RIT2: variants seen among roughly 807,000 people sequenced by gnomAD.
RIT2 encodes the protein Ras like without CAAX 2.
Under a neutral mutation model 23.7 loss-of-function variants are expected in RIT2, and 24 were observed. That is an observed-to-expected ratio of 1.01 (90% CI 0.73 to 1.43). RIT2 has a LOEUF of 1.43. Among genes scored for constraint, RIT2 ranks in the 40% most tolerant of loss-of-function variants. The pLI, the probability that RIT2 is intolerant of heterozygous loss-of-function variation, is 0.00. For missense variants in RIT2, 236 were observed against 266.9 expected (o/e 0.88, Z 0.81); for synonymous variants, 107 against 91.1 (o/e 1.17, Z -0.99).
At chr18:42,870,973 C>T (rs974840279) in intron 4 of RIT2, among the ~76,000 whole-genome samples, 1 of 152,236 alleles carries the variant, frequency 6.6e-6, no homozygotes, top group East Asian at 1.9e-4. Context: ...ACAGAAACAA[C>T]TCTGTTATTA....
At chr18:43,070,423 G>A (rs555147517) in intron 1 of RIT2, among the ~76,000 whole-genome samples, 4 of 152,288 alleles carry the variant, frequency 2.6e-5, no homozygotes, top group South Asian at 4.1e-4. Flanking sequence ...AATGGAGAAA[G>A]TGGTAATAAG....
intron 4 of RIT2, among the ~76,000 whole-genome samples, chr18:42,743,981 A>C (rs1232258265): frequency 1.3e-5 from 2 of 151,978 alleles, no homozygotes; most frequent in African/African-American, 2.4e-5. Context: ...TAACTGATGA[A>C]ATTCCACCAG....
chr18:43,101,527 G>A (rs1598784779), intron 1 of RIT2, among the ~76,000 whole-genome samples: 3 of 152,220 alleles, frequency 2.0e-5, no homozygotes, highest in African/African-American at 4.8e-5. Context: ...GCCCTGTGTC[G>A]TGCAACATTA....
chr18:43,110,405 C>A (rs1322318217), intron 1 of RIT2, among the ~76,000 whole-genome samples: 1 of 151,992 alleles, frequency 6.6e-6, no homozygotes, highest in African/African-American at 2.4e-5. Context: ...TGATTCTGAA[C>A]TTGGAGAACC....
intron 4 of RIT2, among the ~76,000 whole-genome samples, chr18:42,805,022 C>T (rs564101340): frequency 2.6e-5 from 4 of 152,170 alleles, no homozygotes; most frequent in Admixed American, 2.6e-4. Flanking sequence ...AAGAAAACAT[C>T]CACCTTTCTC....
intron 4 of RIT2, among the ~76,000 whole-genome samples, chr18:42,910,385 C>G (rs1164550659): frequency 2.0e-5 from 3 of 152,030 alleles, no homozygotes; most frequent in African/African-American, 7.2e-5. Context: ...GGACAGCAGG[C>G]AGGGAAATAC....
intron 4 of RIT2, among the ~76,000 whole-genome samples, chr18:42,808,780 CA>C (rs1046049957): frequency 1.2e-4 from 19 of 152,058 alleles, no homozygotes; most frequent in African/African-American, 4.3e-4. Context: ...AAAAATTCAT[CA>C]AAGACTGGGC....
chr18:43,045,469 C>T (rs979508297), intron 1 of RIT2, among the ~76,000 whole-genome samples: 1 of 152,168 alleles, frequency 6.6e-6, no homozygotes, highest in African/African-American at 2.4e-5. Flanking sequence ...AACTAATGGG[C>T]ACCAACGTAT....
chr18:43,115,564 G>A lies in RIT2; in HGVS notation c.-45C>T, dbSNP rs756274714. 8.8e-6 allele frequency: 14 copies of A among 1,593,456 alleles called. No homozygotes were observed. The African/African-American group carries it at 1.4e-4, about 15-fold the overall frequency. ...GAAAAAAAGAAGGAGAAAGTCACCC[G>A]TGTCAGGTGCTTGCTCGAATATTAA... On this transcript the variant is annotated 5_prime_UTR_variant, in exon 1 of 5. In the 5' UTR this introduces an upstream ATG that the reference lacks. Coordinates refer to ENST00000326695, the MANE Select transcript of RIT2 (RefSeq NM_002930.4).
chr18:43,068,974 G>A (rs989249570), intron 1 of RIT2, among the ~76,000 whole-genome samples: 1 of 152,088 alleles, frequency 6.6e-6, no homozygotes, highest in Non-Finnish European at 1.5e-5. Flanking sequence ...TTCCCAGGAA[G>A]TTAGTTATTC....
At chr18:43,044,054 T>G (rs757074730) in intron 1 of RIT2, among the ~76,000 whole-genome samples, 23 of 152,240 alleles carry the variant, frequency 1.5e-4, no homozygotes, top group Non-Finnish European at 2.9e-4. Context: ...AGAATAAGAC[T>G]GAGATAACCA....
At chr18:42,783,355 G>T (rs764394262) in intron 4 of RIT2, among the ~76,000 whole-genome samples, 4 of 151,948 alleles carry the variant, frequency 2.6e-5, no homozygotes, top group Non-Finnish European at 5.9e-5. Context: ...AGCTATGGGA[G>T]AAATAATGAG....
intron 1 of RIT2, among the ~76,000 whole-genome samples, chr18:43,082,355 G>A (rs1242168643): frequency 6.6e-6 from 1 of 152,002 alleles, no homozygotes; most frequent in Non-Finnish European, 1.5e-5. Flanking sequence ...AGAAAAAGAG[G>A]GACTCCTCCC....
chr18:42,794,524 G>A (rs113046192), intron 4 of RIT2, among the ~76,000 whole-genome samples: 1,781 of 152,230 alleles, frequency 0.012, 18 homozygotes, highest in Non-Finnish European at 0.018. Flanking sequence ...CAGTTCTCTT[G>A]CAAAGCTAGA....
chr18:42,874,882 A>C (rs1377815486), intron 4 of RIT2, among the ~76,000 whole-genome samples: 1 of 152,138 alleles, frequency 6.6e-6, no homozygotes, highest in Admixed American at 6.6e-5. Context: ...GATAAGGTTC[A>C]CACAGGGCTT....
At chr18:43,072,040 C>T (rs896048906) in intron 1 of RIT2, among the ~76,000 whole-genome samples, 2 of 152,046 alleles carry the variant, frequency 1.3e-5, no homozygotes, top group Admixed American at 6.6e-5. Context: ...GGCTGAAGTA[C>T]AGTGGTGTGA....
intron 4 of RIT2, among the ~76,000 whole-genome samples, chr18:42,815,262 C>G (rs1905962953): frequency 1.3e-5 from 2 of 152,124 alleles, no homozygotes; most frequent in Admixed American, 6.6e-5. Context: ...AAACAGATAG[C>G]ATCAATAAAG....
At chr18:42,962,761 G>A (rs1910121966) in intron 3 of RIT2, among the ~76,000 whole-genome samples, 1 of 152,168 alleles carries the variant, frequency 6.6e-6, no homozygotes, top group African/African-American at 2.4e-5. Flanking sequence ...ATTTCTGTGA[G>A]TAGTCTCTGA....
chr18:42,990,333 C>T (rs1027088838), intron 2 of RIT2, among the ~76,000 whole-genome samples: 2 of 152,052 alleles, frequency 1.3e-5, no homozygotes, highest in African/African-American at 4.8e-5. Context: ...ATTTGCTTTG[C>T]TACATGTACA....
Sources: allele counts gnomAD v4.1 joint callset (sites outside exome capture counted in the v4.1 genomes callset), GRCh38; gene constraint gnomAD v4.1.1; transcripts MANE v1.5; gene names NCBI Gene and HGNC (gene_info 2026-07-23, HGNC 2026-07-21).